ATP9A: variants seen among roughly 807,000 people sequenced by gnomAD.
ATP9A encodes the protein ATPase phospholipid transporting 9A.
Under a neutral mutation model 144.1 loss-of-function variants are expected in ATP9A, and 52 were observed. That is an observed-to-expected ratio of 0.36 (90% CI 0.29 to 0.45). The LOEUF (loss-of-function observed/expected upper bound fraction) is 0.45. ATP9A is among the 20% of genes least tolerant of loss of function. The probability of loss-of-function intolerance (pLI) is 1.00; values close to 1 mark genes in which losing one functional copy is unlikely to be tolerated. For synonymous variants in ATP9A, 582 were observed against 557.4 expected (o/e 1.04, Z -0.62); for missense variants, 947 against 1,392.7 (o/e 0.68, Z 5.09).
At chr20:51,714,620 G>A (rs571556844) in intron 3 of ATP9A, among the ~76,000 whole-genome samples, 68 of 151,958 alleles carry the variant, frequency 4.5e-4, no homozygotes, top group African/African-American at 1.6e-3. Context: ...CACCCGCCTC[G>A]GCCTCCCAAA....
intron 9 of ATP9A, among the ~76,000 whole-genome samples, chr20:51,679,976 T>G (rs537414268): frequency 6.6e-6 from 1 of 152,244 alleles, no homozygotes; most frequent in East Asian, 1.9e-4. Flanking sequence ...ACGCCTGTAT[T>G]CCCAGCACTT....
intron 14 of ATP9A, among the ~76,000 whole-genome samples, chr20:51,653,628 A>T (rs2077375973): frequency 6.6e-6 from 1 of 152,098 alleles, no homozygotes. Flanking sequence ...CTCTACTAAA[A>T]ATACAAAAAT....
intron 4 of ATP9A, among the ~76,000 whole-genome samples, chr20:51,707,854 T>C (rs2077621086): frequency 1.0e-5 from 1 of 98,732 alleles, no homozygotes; most frequent in African/African-American, 5.3e-5. Context: ...CAACTGTGTT[T>C]GTGTGTGTGT....
At chr20:51,665,198 T>C (rs1028019406) in intron 13 of ATP9A, among the ~76,000 whole-genome samples, 1 of 144,346 alleles carries the variant, frequency 6.9e-6, no homozygotes, top group Non-Finnish European at 1.5e-5. Flanking sequence ...ATGTTCAGAA[T>C]AGGCAAATCC....
At chr20:51,655,532 C>G (rs184876925) in intron 14 of ATP9A, among the ~76,000 whole-genome samples, 1 of 152,220 alleles carries the variant, frequency 6.6e-6, no homozygotes, top group East Asian at 1.9e-4. Context: ...CGAAAAGACG[C>G]TCAACATCAG....
At chr20:51,622,026 CA>C in intron 19 of ATP9A, 47 bp downstream of exon 19, 1 of 1,548,428 alleles carries the variant, frequency 6.5e-7, no homozygotes, top group Non-Finnish European at 8.9e-7. Context: ...GGTTATAGGA[CA>C]AATCGAACAT....
At chr20:51,676,404 T>C (rs571877905) in intron 9 of ATP9A, among the ~76,000 whole-genome samples, 196 bp from the exon 10 acceptor site, 4 of 151,786 alleles carry the variant, frequency 2.6e-5, no homozygotes, top group Non-Finnish European at 4.4e-5. Context: ...TCCCACCATG[T>C]TCAAGCGATT....
intron 26 of ATP9A, among the ~76,000 whole-genome samples, chr20:51,605,874 C>CTGGAG: frequency 6.6e-6 from 1 of 151,036 alleles, no homozygotes; most frequent in African/African-American, 2.4e-5. Flanking sequence ...GATCGTGCCA[C>CTGGAG]TGCACTCCAG....
At chr20:51,629,581 T>C (rs2077262655) in intron 15 of ATP9A, among the ~76,000 whole-genome samples, 1 of 152,132 alleles carries the variant, frequency 6.6e-6, no homozygotes, top group South Asian at 2.1e-4. Flanking sequence ...TCATACACCC[T>C]CCATGGTGAC....
At chr20:51,620,461 A>T (rs2077222038) in intron 19 of ATP9A, among the ~76,000 whole-genome samples, 2 of 152,194 alleles carry the variant, frequency 1.3e-5, no homozygotes, top group South Asian at 4.1e-4. Context: ...CAATATCTTC[A>T]TAAATATATA....
chr20:51,651,153 C>CATATATATATATATAT (rs1433056143), intron 14 of ATP9A, among the ~76,000 whole-genome samples: 1 of 58,320 alleles, frequency 1.7e-5, no homozygotes, highest in South Asian at 7.4e-4. Flanking sequence ...TCTCTCTCTC[C>CATATATATATATATAT]ATATATATAT....
At chr20:51,625,149 G>A (rs1205530775) in intron 18 of ATP9A, 43 bp downstream of exon 18, 6 of 1,565,350 alleles carry the variant, frequency 3.8e-6, no homozygotes, top group African/African-American at 1.3e-5. Flanking sequence ...GGGATAACTG[G>A]CATTGCCCTG....
At chr20:51,753,800 G>C (rs113287151) in intron 1 of ATP9A, among the ~76,000 whole-genome samples, 322 of 151,140 alleles carry the variant, frequency 2.1e-3, no homozygotes, top group African/African-American at 7.5e-3. Flanking sequence ...CCAAGTAGCT[G>C]GGATTACAGG....
chr20:51,619,037 T>C lies in ATP9A; in HGVS notation c.2122A>G (p.Asn708Asp). The C allele has an allele frequency of 6.2e-7, 1 of 1,613,946 alleles. No homozygotes were observed. Among genetic ancestry groups the C allele is most frequent in the Non-Finnish European group, 8.5e-7 (1 of 1,179,834 alleles). Residue 708 changes from asparagine (N) to aspartate (D), a missense_variant, in exon 20 of 28, where the codon AAC becomes GAC. Asn to Asp is a conservative substitution (Grantham distance 23, BLOSUM62 1). Coordinates refer to ENST00000338821, the MANE Select transcript of ATP9A (RefSeq NM_006045.3). ...QDIHVFRLVT[N>D]RGEAHLELNA... is the part of the protein sequence containing the mutation. ...AGCTCGAGGTGAGCCTCCCCGCGGTTGGTCACCTGGAAGGGAACAGAGATG... is the reference window on the plus strand; with the variant it reads ...AGCTCGAGGTGAGCCTCCCCGCGGTCGGTCACCTGGAAGGGAACAGAGATG...
intron 26 of ATP9A, 49 bp downstream of exon 26, chr20:51,607,478 G>A: frequency 6.7e-7 from 1 of 1,499,156 alleles, no homozygotes; most frequent in East Asian, 2.3e-5. Flanking sequence ...GGGACACCCT[G>A]AGTCAGTACC....
rs138872272 is a variant in ATP9A at position 51,709,384 on chromosome 20, G to A, written c.436+3582C>T. On this transcript the variant is annotated intron_variant, in intron 4 of 27. Transcript: ENST00000338821. ...ACAAAAATTAGCAGGGCATGGTGGT[G>A]CACACCTGTAATCCCAGCTACTCGG... is the stretch of plus-strand genomic sequence containing the variant. 3.6e-3 allele frequency among the ~76,000 whole-genome samples: 553 copies of A among 152,178 alleles called. 4 individuals are homozygous for A. Among genetic ancestry groups the A allele is most frequent in the African/African-American group, 0.013 (523 of 41,494 alleles).
chr20:51,692,694 C>G (rs2077553594), intron 7 of ATP9A, among the ~76,000 whole-genome samples: 1 of 152,066 alleles, frequency 6.6e-6, no homozygotes, highest in African/African-American at 2.4e-5. Context: ...CCCAGCTACT[C>G]AGGAGGCTGA....
Position 51,601,068 on chromosome 20 carries a change from T to G in ATP9A, c.*143A>C. 1 of 1,059,022 alleles carries G rather than the reference T, an allele frequency of 9.4e-7. No individual in the cohort carries two copies. Among genetic ancestry groups the G allele is most frequent in the Non-Finnish European group, 1.3e-6 (1 of 764,986 alleles). 65.6% of individuals were successfully genotyped at this position (1,059,022 alleles called of 1,614,324 possible). A position where few individuals can be genotyped will look rare whatever the true frequency, so the allele number is the denominator to read the frequency against. ...GTTGATGCAGCGTTAGGACTCCGTT[T>G]AGGCGCAGAGCCACTTCCCATTAAA... On this transcript the variant is annotated 3_prime_UTR_variant, in exon 28 of 28. Transcript: ENST00000338821.
intron 2 of ATP9A, among the ~76,000 whole-genome samples, chr20:51,726,313 C>CAAAAA (rs11476208): frequency 2.8e-5 from 2 of 70,762 alleles, no homozygotes; most frequent in Non-Finnish European, 5.5e-5. Context: ...AACTCTGTCT[C>CAAAAA]AAAAAAAAAA....
Sources: gnomAD v4.1 joint callset for allele counts (sites outside exome capture counted in the v4.1 genomes callset) on GRCh38, gnomAD v4.1.1 for gene constraint, MANE v1.5 for transcripts, NCBI Gene and HGNC (gene_info 2026-07-23, HGNC 2026-07-21) for gene names.